Variants in FRAS1 observed in about 807,000 individuals in gnomAD.
FRAS1 encodes Fraser extracellular matrix complex subunit 1.
In FRAS1, 290 loss-of-function variants were observed where a neutral mutation model predicts 435.2. That is an observed-to-expected ratio of 0.67 (90% CI 0.61 to 0.73). The LOEUF (loss-of-function observed/expected upper bound fraction) is 0.73, where lower values mean the gene tolerates loss of function less well. FRAS1 is among the 30% of genes least tolerant of loss of function. The pLI is 0.00. For missense variants in FRAS1, 4,860 were observed against 5,001.5 expected, an observed-to-expected ratio of 0.97 and a Z score of 0.85; for synonymous variants, 1,800 against 1,851.0, an observed-to-expected ratio of 0.97 and a Z score of 0.71.
intron 14 of FRAS1, among the ~76,000 whole-genome samples, chr4:78,301,080 A>C (rs138415238): frequency 3.5e-4 from 54 of 152,320 alleles, no homozygotes; most frequent in African/African-American, 1.3e-3. Context: ...TGAGGTTTGC[A>C]AGGCAGATAT....
intron 59 of FRAS1, among the ~76,000 whole-genome samples, chr4:78,493,720 G>A (rs1356749299): frequency 6.6e-6 from 1 of 151,962 alleles, no homozygotes; most frequent in Non-Finnish European, 1.5e-5. Context: ...ACGGGTTGAT[G>A]GGTGCAGCAA....
At chr4:78,149,247 G>C (rs1015435286) in intron 2 of FRAS1, among the ~76,000 whole-genome samples, 6 of 152,204 alleles carry the variant, frequency 3.9e-5, no homozygotes, top group African/African-American at 7.2e-5. Flanking sequence ...TCTTGGCAGT[G>C]AATGTGCAGT....
At chr4:78,379,682 T>C in intron 26 of FRAS1, 44 bp from the exon 27 acceptor site, 1 of 1,572,998 alleles carries the variant, frequency 6.4e-7, no homozygotes, top group East Asian at 2.2e-5. Context: ...ACCTAATTAG[T>C]GAAGGTACCA....
At chr4:78,486,197 G>A (rs971963573) in intron 58 of FRAS1, among the ~76,000 whole-genome samples, 3 of 152,170 alleles carry the variant, frequency 2.0e-5, no homozygotes, top group Non-Finnish European at 4.4e-5. Context: ...ACTGTTGCTG[G>A]TAAAGAGGCT....
intron 64 of FRAS1, among the ~76,000 whole-genome samples, chr4:78,511,823 C>T (rs1162395835): frequency 6.6e-6 from 1 of 152,206 alleles, no homozygotes; most frequent in African/African-American, 2.4e-5. Flanking sequence ...TAACCCCCTT[C>T]CACTGGCCGG....
At chr4:78,175,283 T>C (rs988453089) in intron 2 of FRAS1, among the ~76,000 whole-genome samples, 1 of 152,238 alleles carries the variant, frequency 6.6e-6, no homozygotes, top group East Asian at 1.9e-4. Context: ...CCTGTTACTG[T>C]CTAATTGCTT....
rs539559894 is a variant in FRAS1, at chr4:78,282,816, G to A, written c.1108-4G>A. ...ACAATGCTGTTCTTCACTTTTTTGC[G>A]TAGGAGGGAGAGAAGTGGGAAGATG... On this transcript the variant is annotated splice_region_variant and splice_polypyrimidine_tract_variant and intron_variant, in intron 11 of 73. Transcript: ENST00000512123. The A allele has an allele frequency of 7.3e-5, 118 of 1,612,654 alleles. No homozygotes were observed. The highest frequency in any genetic ancestry group is 5.9e-4 in the South Asian group (54 of 90,834).
chr4:78,327,171 G>A (rs391275), intron 18 of FRAS1, among the ~76,000 whole-genome samples: 116,181 of 152,110 alleles, frequency 0.76, 45,167 homozygotes, highest in African/African-American at 0.89. Flanking sequence ...TCAGAAATCT[G>A]TGATCATGCT....
At chr4:78,307,570 T>A (rs1728823548) in intron 14 of FRAS1, among the ~76,000 whole-genome samples, 1 of 152,252 alleles carries the variant, frequency 6.6e-6, no homozygotes, top group South Asian at 2.1e-4. Context: ...CGCCGTTTTT[T>A]AAGCCCGTCG....
intron 2 of FRAS1, among the ~76,000 whole-genome samples, chr4:78,153,909 A>C (rs948898749): frequency 6.6e-6 from 1 of 152,120 alleles, no homozygotes; most frequent in Non-Finnish European, 1.5e-5. Flanking sequence ...GGATGGATTC[A>C]GTCTTATTTC....
intron 2 of FRAS1, among the ~76,000 whole-genome samples, chr4:78,177,993 CT>C (rs1721845999): frequency 6.6e-6 from 1 of 152,148 alleles, no homozygotes; most frequent in African/African-American, 2.4e-5. Context: ...GAAATTTTTT[CT>C]GTCTCTGGAG....
Position 78,508,805 on chromosome 4 carries a change from C to T in FRAS1, c.9579C>T (p.Gly3193=). The T allele has an allele frequency of 6.2e-7, 1 of 1,613,710 alleles. No individual in the cohort carries two copies. Among genetic ancestry groups the T allele is most frequent in the Non-Finnish European group, 8.5e-7 (1 of 1,179,762 alleles). ...KEGVKKSPSP[G]YPLVCVTPCD... ...GAGTCAAGAAATCCCCCTCCCCAGG[C>T]TACCCACTGGTCTGTGTCACCCCCT... The change falls in exon 63 of 74, where the codon GGC becomes GGT. Residue 3193 remains glycine (G), a synonymous_variant. Coordinates refer to ENST00000512123, the MANE Select transcript of FRAS1 (RefSeq NM_025074.7).
rs764148711 is a variant in FRAS1, at chr4:78,448,187, G to A, written c.6145G>A (p.Val2049Met). ...TGTGCCTAGTGTCCCTGGCATGGTCGTGGATGAGTTCCAGTTCTCCCTCAC... is the reference window on the plus strand; with the variant it reads ...TGTGCCTAGTGTCCCTGGCATGGTCATGGATGAGTTCCAGTTCTCCCTCAC... ...GYVPSVPGMVVDEFQFSLTDG... is the reference protein window; with the variant it reads ...GYVPSVPGMVMDEFQFSLTDG... The change falls in exon 44 of 74, where the codon GTG (valine) becomes ATG (methionine). Residue 2049 changes from valine to methionine, a missense_variant. Coordinates refer to ENST00000512123, the MANE Select transcript of FRAS1 (RefSeq NM_025074.7). 1.3e-5 allele frequency: 21 copies of A among 1,613,426 alleles called. No homozygotes were observed. The highest frequency in any genetic ancestry group is 1.2e-4 in the Admixed American group (7 of 59,948).
intron 2 of FRAS1, among the ~76,000 whole-genome samples, chr4:78,147,795 T>C (rs1342235149): frequency 2.6e-5 from 4 of 152,184 alleles, no homozygotes; most frequent in African/African-American, 4.8e-5. Context: ...ATTATGAAGA[T>C]GTTAGGGATC....
At position 78,260,024 on chromosome 4, in the gene FRAS1, G is replaced by T. The variant is rs1178721183; in HGVS notation, c.603+4649G>T. 8.5e-5 allele frequency among the ~76,000 whole-genome samples: 13 copies of T among 152,228 alleles called. 1 individual carries two copies. In the South Asian group the frequency reaches 2.7e-3, roughly 32 times the overall value. ...TCAAAGATCAGATAGTTGTAGATAT[G>T]CGGAGTTATTTCTGAGGGCTCTGTT... On this transcript the variant is annotated intron_variant, in intron 6 of 73. Transcript: ENST00000512123.
At chr4:78,538,897 G>A (rs553976583) in intron 72 of FRAS1, among the ~76,000 whole-genome samples, 1 of 151,046 alleles carries the variant, frequency 6.6e-6, no homozygotes, top group East Asian at 1.9e-4. Context: ...GGAGCCAGCA[G>A]TGAGCTGAGA....
chr4:78,339,222 G>A (rs561530454), intron 20 of FRAS1, among the ~76,000 whole-genome samples: 1 of 152,318 alleles, frequency 6.6e-6, no homozygotes, highest in Admixed American at 6.5e-5. Flanking sequence ...GCATGTTTGA[G>A]TTTAGCTACT....
At chr4:78,153,075 T>G (rs1720737618) in intron 2 of FRAS1, among the ~76,000 whole-genome samples, 1 of 152,142 alleles carries the variant, frequency 6.6e-6, no homozygotes, top group South Asian at 2.1e-4. Context: ...GTCCCACCCA[T>G]ACCCATTTTC....
At chr4:78,286,573 A>G in intron 14 of FRAS1, 34 bp downstream of exon 14, 1 of 1,603,842 alleles carries the variant, frequency 6.2e-7, no homozygotes, top group Non-Finnish European at 8.5e-7. Flanking sequence ...TGGGCCAGCT[A>G]CCAAGACAGC....
Sources: gnomAD v4.1 joint callset for allele counts (sites outside exome capture counted in the v4.1 genomes callset) on GRCh38, gnomAD v4.1.1 for gene constraint, MANE v1.5 for transcripts, NCBI Gene and HGNC (gene_info 2026-07-23, HGNC 2026-07-21) for gene names.